DNAH12: variants seen among roughly 807,000 people sequenced by gnomAD.
DNAH12 encodes dynein axonemal heavy chain 12, also known as axonemal beta dynein heavy chain 12.
In DNAH12, 285 loss-of-function variants were observed where a neutral mutation model predicts 371.5. The observed-to-expected ratio is 0.77, with a 90% CI of 0.70 to 0.85. The LOEUF (loss-of-function observed/expected upper bound fraction) is 0.85, where lower values mean the gene tolerates loss of function less well. Among genes scored for constraint, DNAH12 ranks in the 40% least tolerant of loss-of-function variants. The pLI is 0.00. For synonymous variants in DNAH12, 1,200 were observed against 1,213.0 expected, an observed-to-expected ratio of 0.99 and a Z score of 0.22; for missense variants, 3,611 against 3,689.4, an observed-to-expected ratio of 0.98 and a Z score of 0.55.
chr3:57,545,689 TAAA>T (rs2153404911), upstream of DNAH12, among the ~76,000 whole-genome samples: 1 of 151,738 alleles, frequency 6.6e-6, no homozygotes, highest in Non-Finnish European at 1.5e-5. Flanking sequence ...CCACATAACA[TAAA>T]AAGCAGCCTG....
intron 5 of DNAH12, 51 bp downstream of exon 5, chr3:57,510,739 C>G: frequency 6.5e-7 from 1 of 1,549,760 alleles, no homozygotes; most frequent in South Asian, 1.2e-5. Context: ...TCAGTGGGGA[C>G]GGGGGGAGGC....
intron 60 of DNAH12, among the ~76,000 whole-genome samples, chr3:57,344,937 C>T (rs2062501331): frequency 6.6e-6 from 1 of 151,978 alleles, no homozygotes; most frequent in Non-Finnish European, 1.5e-5. Context: ...AAGGTGCTGA[C>T]CCCCCATGTG....
At chr3:57,343,671 A>G (rs1553657007) in intron 60 of DNAH12, among the ~76,000 whole-genome samples, 1 of 152,128 alleles carries the variant, frequency 6.6e-6, no homozygotes, top group African/African-American at 2.4e-5. Context: ...AAAAGGGGAA[A>G]GCCTCTTGCA....
At chr3:57,386,060 C>A (rs1165059422) in intron 47 of DNAH12, among the ~76,000 whole-genome samples, 1 of 152,040 alleles carries the variant, frequency 6.6e-6, no homozygotes, top group Non-Finnish European at 1.5e-5. Flanking sequence ...TGAACTAACA[C>A]TAGTAAGTAT....
At chr3:57,449,397 G>T (rs1341686998) in intron 25 of DNAH12, among the ~76,000 whole-genome samples, 3 of 152,226 alleles carry the variant, frequency 2.0e-5, no homozygotes, top group Non-Finnish European at 2.9e-5. Context: ...GGAGCAGGGG[G>T]TGGTGCTCCT....
chr3:57,500,973 G>T (rs6786462), intron 11 of DNAH12, among the ~76,000 whole-genome samples: 5,974 of 152,220 alleles, frequency 0.039, 123 homozygotes, highest in African/African-American at 0.056. Context: ...TAGAGACACG[G>T]TCTCACTATG....
intron 2 of DNAH12, among the ~76,000 whole-genome samples, chr3:57,535,530 A>AAATTT (rs1553723244): frequency 6.6e-6 from 1 of 151,910 alleles, no homozygotes; most frequent in Non-Finnish European, 1.5e-5. Context: ...TATTTTTTTT[A>AAATTT]TATTTTATTT....
intron 65 of DNAH12, 148 bp downstream of exon 65, chr3:57,322,195 A>T: frequency 1.2e-6 from 1 of 802,706 alleles, no homozygotes. Context: ...TGAACAAGAT[A>T]AGTACAATTT....
intron 30 of DNAH12, among the ~76,000 whole-genome samples, chr3:57,434,436 A>C (rs1453146676): frequency 3.3e-5 from 5 of 152,172 alleles, no homozygotes; most frequent in Admixed American, 3.3e-4. Flanking sequence ...CATGACGAGC[A>C]GGGCTGCCCT....
chr3:57,293,881 T>C lies in DNAH12; in HGVS notation c.11783A>G (p.His3928Arg), dbSNP rs1291844323. The change falls in exon 74 of 74, where the codon CAT becomes CGT. Residue 3928 changes from histidine to arginine, a missense_variant. His to Arg is a conservative substitution (Grantham distance 29). Transcript: ENST00000495027. ...ERKGTLSTTG[H>R]STNFVIAMLL... ...CATTGCAATGACAAAGTTAGTAGAA[T>C]GTCCCGTAGTGGAAAGAGTTCCTTT... 3.2e-6 allele frequency: 5 copies of C among 1,548,624 alleles called. No homozygotes were observed. In the African/African-American group the frequency reaches 6.9e-5, roughly 21 times the overall value.
chr3:57,327,078 CAA>C (rs2061966938), intron 62 of DNAH12, among the ~76,000 whole-genome samples: 1 of 151,402 alleles, frequency 6.6e-6, no homozygotes, highest in South Asian at 2.1e-4. Flanking sequence ...GAGTGACCTA[CAA>C]AGAGACTTAG....
intron 59 of DNAH12, among the ~76,000 whole-genome samples, chr3:57,356,192 A>G (rs2062793624): frequency 6.6e-6 from 1 of 152,102 alleles, no homozygotes; most frequent in African/African-American, 2.4e-5. Flanking sequence ...CTGTAATCTC[A>G]GCACTTAGGG....
intron 62 of DNAH12, 77 bp downstream of exon 62, chr3:57,334,388 A>G: frequency 1.4e-6 from 2 of 1,389,760 alleles, no homozygotes; most frequent in Non-Finnish European, 1.9e-6. Flanking sequence ...AAAGAATCAA[A>G]TAACAAGAAC....
At chr3:57,506,276 A>G (rs931541929) in intron 8 of DNAH12, among the ~76,000 whole-genome samples, 2 of 152,124 alleles carry the variant, frequency 1.3e-5, no homozygotes, top group African/African-American at 2.4e-5. Flanking sequence ...TTCTCTCAAG[A>G]GCCAATTGTT....
At chr3:57,553,775 T>C in the DNAH12 span, among the ~76,000 whole-genome samples, 1 of 152,014 alleles carries the variant, frequency 6.6e-6, no homozygotes, top group Non-Finnish European at 1.5e-5. Flanking sequence ...AGCATAAATC[T>C]GTCTGACCAA....
chr3:57,472,196 A>C (rs2066386749), intron 14 of DNAH12, among the ~76,000 whole-genome samples: 1 of 152,012 alleles, frequency 6.6e-6, no homozygotes, highest in African/African-American at 2.4e-5. Context: ...AATTTCTCTG[A>C]GTCTCATATT....
At chr3:57,324,520 C>T (rs1201682977) in intron 62 of DNAH12, among the ~76,000 whole-genome samples, 5 of 152,054 alleles carry the variant, frequency 3.3e-5, no homozygotes, top group Non-Finnish European at 7.4e-5. Context: ...GGCAGATTGC[C>T]CTCCACAATG....
chr3:57,419,131 T>C (rs2064484104), intron 37 of DNAH12, among the ~76,000 whole-genome samples: 1 of 152,168 alleles, frequency 6.6e-6, no homozygotes, highest in Admixed American at 6.5e-5. Context: ...AAATCAAAAA[T>C]GTAAGGCAAC....
At chr3:57,413,722 T>C in intron 39 of DNAH12, 24 bp downstream of exon 39, 11 of 1,543,244 alleles carry the variant, frequency 7.1e-6, no homozygotes, top group Non-Finnish European at 9.6e-6. Flanking sequence ...AACTTCAGCA[T>C]AACTTATCGA....
Sources: allele counts gnomAD v4.1 joint callset (sites outside exome capture counted in the v4.1 genomes callset), GRCh38; gene constraint gnomAD v4.1.1; transcripts MANE v1.5; gene names NCBI Gene and HGNC (gene_info 2026-07-23, HGNC 2026-07-21).